ITFG1: variants seen among roughly 807,000 people sequenced by gnomAD.
The protein encoded by ITFG1 is T-cell immunomodulatory protein.
A neutral mutation model predicts 81.8 loss-of-function variants in ITFG1; 34 were observed. The observed-to-expected ratio is 0.42, with a 90% CI of 0.32 to 0.55. ITFG1 has a LOEUF of 0.55. Ranked by LOEUF, ITFG1 falls within the 20% of genes least tolerant of loss-of-function variation. The pLI is 0.17. For missense variants in ITFG1, 672 were observed against 755.4 expected (o/e 0.89, Z 1.29); for synonymous variants, 285 against 270.6 (o/e 1.05, Z -0.52).
chr16:47,436,569 ATACAGTCTACTC>A (rs1969169513), intron 5 of ITFG1, among the ~76,000 whole-genome samples: 1 of 152,208 alleles, frequency 6.6e-6, no homozygotes, highest in Non-Finnish European at 1.5e-5. Context: ...GTATCCAGGC[ATACAGTCTACTC>A]TTACTTTTCA....
intron 2 of ITFG1, among the ~76,000 whole-genome samples, chr16:47,455,777 CAAAAAAAAAAAA>C (rs1325999369): frequency 2.2e-5 from 1 of 46,276 alleles, no homozygotes; most frequent in Non-Finnish European, 4.4e-5. Flanking sequence ...CATCCCCCAC[CAAAAAAAAAAAA>C]AAAAAAAAAA....
At chr16:47,170,588 C>T (rs1282153334) in intron 14 of ITFG1, among the ~76,000 whole-genome samples, 1 of 151,916 alleles carries the variant, frequency 6.6e-6, no homozygotes, top group Non-Finnish European at 1.5e-5. Flanking sequence ...CATCACCACA[C>T]CCAGCTAATT....
chr16:47,346,165 T>A (rs994132842), intron 8 of ITFG1, among the ~76,000 whole-genome samples: 1 of 152,210 alleles, frequency 6.6e-6, no homozygotes, highest in Non-Finnish European at 1.5e-5. Flanking sequence ...TTGGAAGAAT[T>A]CCCTCCTCCA....
At chr16:47,384,654 C>T (rs1217999158) in intron 6 of ITFG1, among the ~76,000 whole-genome samples, 17 of 152,360 alleles carry the variant, frequency 1.1e-4, no homozygotes, top group Non-Finnish European at 2.2e-4. Flanking sequence ...CTGGACTTCA[C>T]TTACTTGCCT....
intron 14 of ITFG1, among the ~76,000 whole-genome samples, chr16:47,200,933 A>G (rs1192611698): frequency 6.6e-6 from 1 of 152,238 alleles, no homozygotes; most frequent in African/African-American, 2.4e-5. Context: ...GCTGTAATAC[A>G]TCACCAATTT....
At chr16:47,335,917 C>T (rs907094801) in intron 8 of ITFG1, among the ~76,000 whole-genome samples, 1 of 152,122 alleles carries the variant, frequency 6.6e-6, no homozygotes, top group African/African-American at 2.4e-5. Context: ...AACAAATGTT[C>T]ACAGCAGTAT....
intron 8 of ITFG1, among the ~76,000 whole-genome samples, chr16:47,361,658 A>G (rs1357173833): frequency 6.6e-6 from 1 of 152,210 alleles, no homozygotes; most frequent in Non-Finnish European, 1.5e-5. Flanking sequence ...ACTTACCAGT[A>G]GCAGCAAGTA....
intron 14 of ITFG1, among the ~76,000 whole-genome samples, chr16:47,166,400 TCA>T (rs1329910375): frequency 6.6e-6 from 1 of 152,246 alleles, no homozygotes; most frequent in Non-Finnish European, 1.5e-5. Context: ...ATACTTTTAG[TCA>T]CATACTTTTT....
At chr16:47,315,416 C>G (rs1203544615) in intron 8 of ITFG1, among the ~76,000 whole-genome samples, 1 of 151,864 alleles carries the variant, frequency 6.6e-6, no homozygotes. Flanking sequence ...TCATTAAAAC[C>G]AAACCATTCT....
At chr16:47,271,213 C>T (rs1966335829) in intron 10 of ITFG1, among the ~76,000 whole-genome samples, 1 of 151,964 alleles carries the variant, frequency 6.6e-6, no homozygotes, top group African/African-American at 2.4e-5. Flanking sequence ...TTTGAAATCT[C>T]ATATTTAATA....
At chr16:47,388,683 C>T (rs1349772610) in intron 6 of ITFG1, among the ~76,000 whole-genome samples, 1 of 152,156 alleles carries the variant, frequency 6.6e-6, no homozygotes, top group East Asian at 1.9e-4. Context: ...TGCTAGCAGA[C>T]TCACCTTGAA....
rs17799353 is a variant in ITFG1 at position 47,159,935 on chromosome 16, T to C, written c.1662-945A>G. On this transcript the variant is annotated intron_variant, in intron 16 of 17. Coordinates refer to ENST00000320640, the MANE Select transcript of ITFG1 (RefSeq NM_030790.5). ...TTTGGTTTTTATTATGTACATAAAT[T>C]TGAAAAGAACATTTCTTTGGAAAGA... is the stretch of plus-strand genomic sequence containing the variant. Among the ~76,000 whole-genome samples, 1,492 of 152,188 alleles carry C rather than the reference T, an allele frequency of 9.8e-3. 10 individuals carry two copies. The highest frequency in any genetic ancestry group is 0.014 in the Non-Finnish European group (937 of 67,976).
intron 6 of ITFG1, among the ~76,000 whole-genome samples, chr16:47,420,924 T>G: frequency 6.6e-6 from 1 of 152,226 alleles, no homozygotes. Flanking sequence ...ATTTTCTTTA[T>G]GTATCTGGGT....
intron 14 of ITFG1, among the ~76,000 whole-genome samples, chr16:47,180,653 G>A (rs903574081): frequency 1.3e-5 from 2 of 152,168 alleles, no homozygotes; most frequent in African/African-American, 4.8e-5. Flanking sequence ...CCGAGGTGCC[G>A]GGATTGCAGA....
intron 8 of ITFG1, among the ~76,000 whole-genome samples, chr16:47,356,055 T>C (rs1366825967): frequency 6.6e-6 from 1 of 152,160 alleles, no homozygotes; most frequent in East Asian, 1.9e-4. Flanking sequence ...GTGTATAGTG[T>C]TTAAGGTAAG....
chr16:47,228,156 C>T (rs558265966), intron 13 of ITFG1, among the ~76,000 whole-genome samples: 18 of 152,098 alleles, frequency 1.2e-4, no homozygotes, highest in South Asian at 1.0e-3. Context: ...CTTTGGTACA[C>T]GAAGCATGAT....
At chr16:47,421,479 T>C (rs1191298719) in intron 6 of ITFG1, among the ~76,000 whole-genome samples, 2 of 152,114 alleles carry the variant, frequency 1.3e-5, no homozygotes, top group East Asian at 3.9e-4. Flanking sequence ...TAACTTTCTG[T>C]ATTTTAGTAG....
intron 6 of ITFG1, among the ~76,000 whole-genome samples, chr16:47,414,229 A>G (rs8061702): frequency 0.99 from 150,310 of 152,226 alleles, 74,234 homozygotes; most frequent in South Asian, 1. Flanking sequence ...TTTACAATCC[A>G]TATGTAATGG....
intron 8 of ITFG1, among the ~76,000 whole-genome samples, chr16:47,320,721 T>C (rs1393529141): frequency 6.6e-6 from 1 of 152,162 alleles, no homozygotes; most frequent in African/African-American, 2.4e-5. Context: ...AGGAGTCCAT[T>C]ATCCCTATCT....
Sources: gnomAD v4.1 joint callset for allele counts (sites outside exome capture counted in the v4.1 genomes callset) on GRCh38, gnomAD v4.1.1 for gene constraint, MANE v1.5 for transcripts, NCBI Gene and HGNC (gene_info 2026-07-23, HGNC 2026-07-21) for gene names.